The following PLCG2 variants were observed in gnomAD, a reference collection of about 807,000 sequenced individuals.
PLCG2 encodes the protein phospholipase C gamma 2.
PLCG2 carries 69 observed loss-of-function variants against 175.6 expected under a neutral mutation model. The observed-to-expected ratio is 0.39, with a 90% CI of 0.32 to 0.48. The LOEUF (loss-of-function observed/expected upper bound fraction) is 0.48, where lower values mean the gene tolerates loss of function less well. PLCG2 is among the 20% of genes least tolerant of loss of function. The pLI is 0.91. For synonymous variants in PLCG2, 827 were observed against 624.0 expected, an observed-to-expected ratio of 1.33 and a Z score of -4.85; for missense variants, 1,798 against 1,650.9, an observed-to-expected ratio of 1.09 and a Z score of -1.54.
intron 31 of PLCG2, among the ~76,000 whole-genome samples, chr16:81,955,166 GAAT>G (rs2143776571): frequency 6.6e-6 from 1 of 152,268 alleles, no homozygotes; most frequent in African/African-American, 2.4e-5. Context: ...CAAACAGCTG[GAAT>G]AATCATCTTC....
chr16:81,742,323 G>A (rs1909613454), intron 1 of PLCG2, among the ~76,000 whole-genome samples: 1 of 152,172 alleles, frequency 6.6e-6, no homozygotes, highest in South Asian at 2.1e-4. Context: ...TCAAGGAAGG[G>A]CCTGACTGGG....
rs1364985752 is a variant in PLCG2, at chr16:81,851,053, G to A, written c.194-3391G>A. On this transcript the variant is annotated intron_variant, in intron 2 of 32. Coordinates refer to ENST00000564138, the MANE Select transcript of PLCG2 (RefSeq NM_002661.5). ...GTAGAAGTCCTCAGTGGGGTGTGAC[G>A]GGGGATGAGTCCTTTCTCTACTTTC... is the stretch of plus-strand genomic sequence containing the variant. 2.0e-5 allele frequency among the ~76,000 whole-genome samples: 3 copies of A among 152,212 alleles called. No homozygotes were observed. In the South Asian group the frequency reaches 6.2e-4, roughly 32 times the overall value.
intron 5 of PLCG2, among the ~76,000 whole-genome samples, chr16:81,868,453 C>G (rs1907353883): frequency 6.6e-6 from 1 of 152,184 alleles, no homozygotes; most frequent in Non-Finnish European, 1.5e-5. Context: ...AGACTAGAGT[C>G]AAATTCAGCT....
In PLCG2 at chr16:81,745,795, G is replaced by A. The variant is rs151033881; in HGVS notation, c.-145+6410G>A. Among the ~76,000 whole-genome samples, 522 of 152,310 alleles carry A rather than the reference G, an allele frequency of 3.4e-3. 1 individual carries two copies. Among genetic ancestry groups the A allele is most frequent in the Non-Finnish European group, 6.0e-3 (406 of 68,028 alleles). ...CCAGGCTGATTCAGCAGATCTGGAG[G>A]GGCATGGGCATGTATGTTTAAACAA... On this transcript the variant is annotated intron_variant, in intron 1 of 5. Coordinates refer to the PLCG2 transcript ENST00000565054.
chr16:81,805,019 G>A (rs1332303785), intron 2 of PLCG2, among the ~76,000 whole-genome samples: 1 of 152,146 alleles, frequency 6.6e-6, no homozygotes, highest in Non-Finnish European at 1.5e-5. Flanking sequence ...AGTACAGTGA[G>A]CTTCAGTGAT....
intron 2 of PLCG2, 58 bp from the exon 3 acceptor site, chr16:81,854,386 G>C: frequency 6.6e-7 from 1 of 1,518,902 alleles, no homozygotes; most frequent in Non-Finnish European, 9.1e-7. Context: ...TTGTGTGGCT[G>C]CATCCTCAGG....
Position 81,959,865 on chromosome 16 carries a change from A to G in PLCG2, c.*1867A>G, listed in dbSNP as rs35152444. 0.08 allele frequency: 15,021 copies of G among 187,426 alleles called. 623 individuals carry two copies. Among genetic ancestry groups the G allele is most frequent in the Non-Finnish European group, 0.093 (8,233 of 88,958 alleles). 11.6% of individuals were successfully genotyped at this position (187,426 alleles called of 1,614,324 possible). A position where few individuals can be genotyped will look rare whatever the true frequency, so the allele number is the denominator to read the frequency against. On this transcript the variant is annotated 3_prime_UTR_variant, in exon 33 of 33. Coordinates refer to ENST00000564138, the MANE Select transcript of PLCG2 (RefSeq NM_002661.5). ...ACAGCAGAGCTCAGGTGTTGCTGTC[A>G]TTACCTCCTTTCAGCTCCTCACTTC...
rs560147020 is a variant in PLCG2, at chr16:81,878,312, A to C, written c.649-2598A>C. Reference sequence around the variant, plus strand: ...ATCTCCCTCTTTTAAGAAGCCAGGCACTGGATTCGGGTCCACCCTAACCCA... The same window carrying C: ...ATCTCCCTCTTTTAAGAAGCCAGGCCCTGGATTCGGGTCCACCCTAACCCA... On this transcript the variant is annotated intron_variant, in intron 7 of 32. Coordinates refer to ENST00000564138, the MANE Select transcript of PLCG2 (RefSeq NM_002661.5). 1.1e-3 allele frequency among the ~76,000 whole-genome samples: 173 copies of C among 152,194 alleles called. 3 individuals are homozygous for C. The highest frequency in any genetic ancestry group is 1.0e-3 in the Non-Finnish European group (69 of 67,996).
At chr16:81,900,811 C>G (rs755297015) in intron 14 of PLCG2, 31 bp downstream of exon 14, 4 of 1,577,556 alleles carry the variant, frequency 2.5e-6, no homozygotes, top group African/African-American at 2.7e-5. Flanking sequence ...TGTTGGCTGT[C>G]CAGGGAGCCC....
intron 2 of PLCG2, among the ~76,000 whole-genome samples, chr16:81,786,626 T>G (rs975789336): frequency 6.6e-6 from 1 of 152,206 alleles, no homozygotes; most frequent in Non-Finnish European, 1.5e-5. Flanking sequence ...TGCTTTAGTC[T>G]CCAAGCAGGG....
intron 19 of PLCG2, among the ~76,000 whole-genome samples, chr16:81,916,863 G>T (rs1909865369): frequency 6.6e-6 from 1 of 152,048 alleles, no homozygotes; most frequent in Non-Finnish European, 1.5e-5. Context: ...GTATCGAACT[G>T]CTGACCTCTG....
chr16:81,887,302 G>A (rs1470311320), intron 9 of PLCG2, among the ~76,000 whole-genome samples: 3 of 151,978 alleles, frequency 2.0e-5, no homozygotes, highest in Non-Finnish European at 4.4e-5. Context: ...TGTGTTTTTA[G>A]TAGAGACGGG....
rs116716982 is a variant in PLCG2 at position 81,825,906 on chromosome 16, G to A, written c.194-28538G>A. Among the ~76,000 whole-genome samples the A allele has an allele frequency of 5.4e-3, 823 of 152,242 alleles. 9 individuals carry two copies. Among genetic ancestry groups the A allele is most frequent in the African/African-American group, 0.019 (781 of 41,548 alleles). ...AAGATTGTCACATAGGGTGTTAGGTGGATCGTAGAGAAAGAAGACATAGAA... is the reference window on the plus strand; with the variant it reads ...AAGATTGTCACATAGGGTGTTAGGTAGATCGTAGAGAAAGAAGACATAGAA... On this transcript the variant is annotated intron_variant, in intron 2 of 32. Transcript: ENST00000564138.
At chr16:81,829,138 T>G (rs8061846) in intron 2 of PLCG2, among the ~76,000 whole-genome samples, 1 of 151,848 alleles carries the variant, frequency 6.6e-6, no homozygotes, top group Admixed American at 6.6e-5. Flanking sequence ...AGACGGAGTC[T>G]GGCTCTGTCA....
intron 19 of PLCG2, among the ~76,000 whole-genome samples, chr16:81,914,263 C>G (rs911521090): frequency 2.0e-5 from 3 of 152,230 alleles, no homozygotes; most frequent in Admixed American, 2.0e-4. Context: ...GGATCGGGGC[C>G]TCACCTGATG....
At chr16:81,828,814 C>T (rs8056205) in intron 2 of PLCG2, among the ~76,000 whole-genome samples, 65,334 of 152,082 alleles carry the variant, frequency 0.43, 16,055 homozygotes, top group African/African-American at 0.69. Context: ...AAGGTTTCAA[C>T]AAATGTGAAT....
chr16:81,836,690 A>T (rs1487741093), intron 2 of PLCG2, among the ~76,000 whole-genome samples: 1 of 152,188 alleles, frequency 6.6e-6, no homozygotes, highest in East Asian at 1.9e-4. Context: ...CAGTGAGCTG[A>T]GATTGTGCCA....
At chr16:81,851,878 A>G (rs1316682655) in intron 2 of PLCG2, among the ~76,000 whole-genome samples, 1 of 152,236 alleles carries the variant, frequency 6.6e-6, no homozygotes, top group East Asian at 1.9e-4. Context: ...GTAAGAACTC[A>G]GAAAGCTTTG....
intron 2 of PLCG2, among the ~76,000 whole-genome samples, chr16:81,824,511 G>A (rs1360436477): frequency 1.3e-5 from 2 of 152,234 alleles, no homozygotes; most frequent in African/African-American, 2.4e-5. Flanking sequence ...TCCAGCTTTT[G>A]TGGAGCCAGG....
Sources: gnomAD v4.1 joint callset for allele counts (sites outside exome capture counted in the v4.1 genomes callset) on GRCh38, gnomAD v4.1.1 for gene constraint, MANE v1.5 for transcripts, NCBI Gene and HGNC (gene_info 2026-07-23, HGNC 2026-07-21) for gene names.